The following ZDHHC15 variants were observed in gnomAD, a reference collection of about 807,000 sequenced individuals.
ZDHHC15 encodes the protein zDHHC palmitoyltransferase 15.
In ZDHHC15, 19 loss-of-function variants were observed where a neutral mutation model predicts 31.7. The ratio of observed to expected loss-of-function variants is 0.60; its 90% CI spans 0.42 to 0.88. The LOEUF (loss-of-function observed/expected upper bound fraction) is 0.88, where lower values mean the gene tolerates loss of function less well. Among genes scored for constraint, ZDHHC15 ranks in the 40% least tolerant of loss-of-function variants. The probability of loss-of-function intolerance (pLI) is 0.00; values close to 1 mark genes in which losing one functional copy is unlikely to be tolerated. For synonymous variants in ZDHHC15, 103 were observed against 90.0 expected, an observed-to-expected ratio of 1.14 and a Z score of -0.82; for missense variants, 209 against 251.2, an observed-to-expected ratio of 0.83 and a Z score of 1.14.
intron 3 of ZDHHC15, among the ~76,000 whole-genome samples, chrX:75,468,155 C>T (rs1374216511): frequency 9.2e-6 from 1 of 109,153 alleles, no homozygotes; most frequent in Non-Finnish European, 1.9e-5. Flanking sequence ...AAGCGACTCT[C>T]CTGCCTCCGC....
intron 2 of ZDHHC15, chrX:75,501,393 T>C (rs748277145): frequency 8.9e-6 from 1 of 111,936 alleles, no homozygotes; most frequent in Non-Finnish European, 1.9e-5. Context: ...TTTGCTATTG[T>C]GAATAGTGCT....
Position 75,371,153 on chromosome X carries a change from A to AT in ZDHHC15, c.*1824dup, listed in dbSNP as rs2083003003. On this transcript the variant is annotated 3_prime_UTR_variant, in exon 12 of 12. Coordinates refer to ENST00000373367, the MANE Select transcript of ZDHHC15 (RefSeq NM_144969.3). ...AGGCCATACATGTAGAAAAAGGTGCATATCTATATGAATAGAAGACAAGGC... is the reference window on the plus strand; with the variant it reads ...AGGCCATACATGTAGAAAAAGGTGCATTATCTATATGAATAGAAGACAAGGC... 1 of 111,984 alleles carries AT rather than the reference A, an allele frequency of 8.9e-6. No individual in the cohort carries two copies. The highest frequency in any genetic ancestry group is 3.2e-5 in the African/African-American group (1 of 30,771). The allele number at this position is 111,984 out of a possible 1,213,427, so 9.2% of individuals were successfully genotyped here.
At chrX:75,400,837 T>C (rs749253144) in intron 10 of ZDHHC15, among the ~76,000 whole-genome samples, 13 of 111,591 alleles carry the variant, frequency 1.2e-4, no homozygotes, top group African/African-American at 3.9e-4. Context: ...TCAACACTTA[T>C]AAAGAAAAAA....
chrX:75,496,131 A>T (rs2084994173), intron 2 of ZDHHC15, among the ~76,000 whole-genome samples: 1 of 111,010 alleles, frequency 9.0e-6, no homozygotes, highest in Admixed American at 9.7e-5. Flanking sequence ...ATATGGACTC[A>T]CATAAACTTA....
At chrX:75,518,300 C>A (rs1396326040) in intron 1 of ZDHHC15, among the ~76,000 whole-genome samples, 1 of 111,025 alleles carries the variant, frequency 9.0e-6, no homozygotes, top group Non-Finnish European at 1.9e-5. Flanking sequence ...TTAAAAATCC[C>A]ATTTAAAAAA....
At chrX:75,418,523 T>C (rs952766393) in intron 9 of ZDHHC15, among the ~76,000 whole-genome samples, 3 of 112,151 alleles carry the variant, frequency 2.7e-5, no homozygotes, top group African/African-American at 9.7e-5. Context: ...CCCTGCATAA[T>C]TGTTGCAGTT....
chrX:75,522,115 A>C (rs1440482926), intron 1 of ZDHHC15, among the ~76,000 whole-genome samples: 1 of 110,977 alleles, frequency 9.0e-6, no homozygotes, highest in African/African-American at 3.3e-5. Flanking sequence ...GACTGGAGGG[A>C]ACTCCAGTAT....
chrX:75,488,804 TC>T (rs1430493839), intron 2 of ZDHHC15, among the ~76,000 whole-genome samples: 1 of 111,973 alleles, frequency 8.9e-6, no homozygotes, highest in Non-Finnish European at 1.9e-5. Context: ...AGGCATTGCC[TC>T]ACCTAGGAAG....
intron 3 of ZDHHC15, among the ~76,000 whole-genome samples, chrX:75,454,523 T>C (rs1397200889): frequency 4.5e-5 from 5 of 111,846 alleles, no homozygotes; most frequent in Admixed American, 1.9e-4. Flanking sequence ...TCTTCCACAA[T>C]GGTTGAACTA....
chrX:75,381,889 C>T (rs750052474), intron 10 of ZDHHC15, among the ~76,000 whole-genome samples: 83 of 111,644 alleles, frequency 7.4e-4, no homozygotes, highest in African/African-American at 2.6e-3. Context: ...CTAATTCCTT[C>T]TTCCTCGCAT....
At position 75,456,102 on chromosome X, in the gene ZDHHC15, C is replaced by T. The variant is rs750660106; in HGVS notation, c.259-5180G>A. Among the ~76,000 whole-genome samples, 7 of 111,490 alleles carry T rather than the reference C, an allele frequency of 6.3e-5. No homozygotes were observed. The South Asian group carries it at 2.6e-3, about 42-fold the overall frequency. On this transcript the variant is annotated intron_variant, in intron 3 of 11. Transcript: ENST00000373367. ...ACAATAGCAAAGACTTGGAACCAACCCAAATGTCCATCAATGATAGACTGG... is the reference window on the plus strand; with the variant it reads ...ACAATAGCAAAGACTTGGAACCAACTCAAATGTCCATCAATGATAGACTGG...
At chrX:75,483,911 C>A (rs1456710791) in intron 2 of ZDHHC15, among the ~76,000 whole-genome samples, 1 of 111,319 alleles carries the variant, frequency 9.0e-6, no homozygotes, top group Non-Finnish European at 1.9e-5. Context: ...TCTCTGCTTG[C>A]TAAGGAAGTG....
At chrX:75,390,281 G>C (rs1271804727) in intron 10 of ZDHHC15, among the ~76,000 whole-genome samples, 2 of 112,132 alleles carry the variant, frequency 1.8e-5, no homozygotes, top group Non-Finnish European at 3.8e-5. Flanking sequence ...CTGGAACCTG[G>C]GGGAATTCGC....
intron 10 of ZDHHC15, among the ~76,000 whole-genome samples, chrX:75,390,498 C>T (rs1329532433): frequency 9.0e-6 from 1 of 111,651 alleles, no homozygotes; most frequent in Non-Finnish European, 1.9e-5. Context: ...CCAGGCAGCT[C>T]AGCACAGAAA....
At chrX:75,431,993 G>A (rs1178969218) in intron 4 of ZDHHC15, among the ~76,000 whole-genome samples, 2 of 111,823 alleles carry the variant, frequency 1.8e-5, no homozygotes, top group African/African-American at 6.5e-5. Context: ...AGACATTCTA[G>A]AACAATTAGT....
At chrX:75,471,020 T>C (rs1336859263) in intron 3 of ZDHHC15, among the ~76,000 whole-genome samples, 4 of 112,304 alleles carry the variant, frequency 3.6e-5, no homozygotes, top group African/African-American at 9.7e-5. Flanking sequence ...AGAAAACAGA[T>C]GGATTTTGGA....
chrX:75,507,398 C>G (rs191603334), intron 1 of ZDHHC15, among the ~76,000 whole-genome samples: 2 of 110,185 alleles, frequency 1.8e-5, no homozygotes, highest in African/African-American at 6.6e-5. Context: ...AAATTACATA[C>G]TTTTGAGGAC....
intron 3 of ZDHHC15, among the ~76,000 whole-genome samples, chrX:75,463,001 AATAG>A (rs941511863): frequency 1.4e-4 from 16 of 111,245 alleles, no homozygotes; most frequent in South Asian, 3.8e-4. Context: ...AAATTAATCA[AATAG>A]ATAGACCACT....
At chrX:75,389,100 C>T (rs1452273051) in intron 10 of ZDHHC15, among the ~76,000 whole-genome samples, 1 of 111,104 alleles carries the variant, frequency 9.0e-6, no homozygotes, top group Non-Finnish European at 1.9e-5. Context: ...TCAGTGCTGC[C>T]CTGTCACAGC....
Sources: allele counts gnomAD v4.1 joint callset (sites outside exome capture counted in the v4.1 genomes callset), GRCh38; gene constraint gnomAD v4.1.1; transcripts MANE v1.5; gene names NCBI Gene and HGNC (gene_info 2026-07-23, HGNC 2026-07-21).